TLNRD1: variants seen among roughly 807,000 people sequenced by gnomAD.
TLNRD1 encodes talin rod domain containing 1, also known as talin rod domain-containing protein 1.
In TLNRD1, 14 loss-of-function variants were observed where a neutral mutation model predicts 19.5. The ratio of observed to expected loss-of-function variants is 0.72; its 90% CI spans 0.47 to 1.12. The LOEUF (loss-of-function observed/expected upper bound fraction) is 1.12, where lower values mean the gene tolerates loss of function less well. Ranked by LOEUF, TLNRD1 falls within the 50% of genes most tolerant of loss-of-function variation. The pLI is 0.00. For synonymous variants in TLNRD1, 345 were observed against 261.7 expected, an observed-to-expected ratio of 1.32 and a Z score of -3.07; for missense variants, 569 against 531.9, an observed-to-expected ratio of 1.07 and a Z score of -0.69.
chr15:81,003,310 A>G lies in TLNRD1; in HGVS notation c.1039A>G (p.Arg347Gly). Reference sequence around the variant, plus strand: ...CCTGCTATCTCAGGCTTTAAGGGAGAGGTCTTCGCCCAGGACTTTACCGCC... The same window carrying G: ...CCTGCTATCTCAGGCTTTAAGGGAGGGGTCTTCGCCCAGGACTTTACCGCC... ...CTLLSQALRE[R>G]SSPRTLPPVN... The change falls in exon 1 of 1, where the codon AGG (arginine) becomes GGG (glycine). Residue 347 changes from arginine to glycine, a missense_variant. Arg to Gly is a moderately radical substitution (Grantham distance 125). Transcript: ENST00000267984. The G allele has an allele frequency of 6.2e-7, 1 of 1,610,918 alleles. No individual in the cohort carries two copies. Among genetic ancestry groups the G allele is most frequent in the Non-Finnish European group, 8.5e-7 (1 of 1,178,432 alleles).
Position 81,002,418 on chromosome 15 carries a change from C to T in TLNRD1, c.147C>T (p.Asp49=). 2.6e-6 allele frequency: 4 copies of T among 1,555,414 alleles called. No individual in the cohort carries two copies. The highest frequency in any genetic ancestry group is 3.5e-6 in the Non-Finnish European group (4 of 1,157,786). ...AGGGCAAGATGCAGCTGGTGGCTGA[C>T]CTGCTGCTGCTGTCGAGCGAGGCGC... ...HCKGKMQLVA[D]LLLLSSEARP... Residue 49 remains aspartate, a synonymous_variant, in exon 1 of 1, where the codon GAC becomes GAT. Coordinates refer to ENST00000267984, the MANE Select transcript of TLNRD1 (RefSeq NM_022566.3).
Position 81,001,024 on chromosome 15 carries a change from C to G in TLNRD1, c.-1248C>G, listed in dbSNP as rs1893398586. 1 of 154,254 alleles carries G rather than the reference C, an allele frequency of 6.5e-6. No individual in the cohort carries two copies. Among genetic ancestry groups the G allele is most frequent in the Non-Finnish European group, 1.4e-5 (1 of 69,354 alleles). 9.6% of individuals were successfully genotyped at this position (154,254 alleles called of 1,614,324 possible). Reference sequence around the variant, plus strand: ...GGAACAGGAAAAGCCTCCGGCAGCCCCTGCGGGCGGCGGCGCAGCCACGGC... The same window carrying G: ...GGAACAGGAAAAGCCTCCGGCAGCCGCTGCGGGCGGCGGCGCAGCCACGGC... On this transcript the variant is annotated 5_prime_UTR_variant, in exon 1 of 1. Transcript: ENST00000267984.
In TLNRD1 at chr15:81,002,118, C is replaced by T. The variant is rs918859819; in HGVS notation, c.-154C>T. ...GGCTCCCGCCGCCGCAGCCCAGTGC[C>T]CTCTGCCCGCGGCGGTGGATGGCAT... On this transcript the variant is annotated 5_prime_UTR_variant, in exon 1 of 1. Coordinates refer to ENST00000267984, the MANE Select transcript of TLNRD1 (RefSeq NM_022566.3). 11 of 886,674 alleles carry T rather than the reference C, an allele frequency of 1.2e-5. No homozygotes were observed. Among genetic ancestry groups the T allele is most frequent in the East Asian group, 1.2e-4 (3 of 25,148 alleles). 54.9% of individuals were successfully genotyped at this position (886,674 alleles called of 1,614,324 possible).
At position 81,004,269 on chromosome 15, in the gene TLNRD1, G is replaced by A. The variant is rs1893464475; in HGVS notation, c.*909G>A. The A allele has an allele frequency of 6.0e-6, 1 of 167,024 alleles. No homozygotes were observed. Among genetic ancestry groups the A allele is most frequent in the Non-Finnish European group, 1.5e-5 (1 of 68,096 alleles). The allele number at this position is 167,024 out of a possible 1,614,324, so 10.3% of individuals were successfully genotyped here. A position where few individuals can be genotyped will look rare whatever the true frequency, so the allele number is the denominator to read the frequency against. ...GGGATTGGGTTATGTAGAGTGCTTG[G>A]GACGGTTTTGTCTCATTTTTCCTGG... On this transcript the variant is annotated 3_prime_UTR_variant, in exon 1 of 1. Coordinates refer to ENST00000267984, the MANE Select transcript of TLNRD1 (RefSeq NM_022566.3).
At position 81,002,410 on chromosome 15, in the gene TLNRD1, G is replaced by A; in HGVS notation, c.139G>A (p.Val47Met). Residue 47 changes from valine (V) to methionine (M), a missense_variant, in exon 1 of 1, where the codon GTG becomes ATG. By Grantham distance (21) the Val-to-Met change is conservative. Coordinates refer to ENST00000267984, the MANE Select transcript of TLNRD1 (RefSeq NM_022566.3). ...CDHCKGKMQL[V>M]ADLLLLSSEA... ...CCACTGCAAGGGCAAGATGCAGCTG[G>A]TGGCTGACCTGCTGCTGCTGTCGAG... 6.4e-7 allele frequency: 1 copy of A among 1,555,290 alleles called. No individual in the cohort carries two copies. Among genetic ancestry groups the A allele is most frequent in the South Asian group, 1.2e-5 (1 of 86,418 alleles).
In TLNRD1 at chr15:81,002,111, C is replaced by CGGGCTCCCCCCG. The variant is rs1893420031; in HGVS notation, c.-161_-160insGGGCTCCCCCCG. 1.2e-6 allele frequency: 1 copy of CGGGCTCCCCCCG among 815,976 alleles called. No individual in the cohort carries two copies. The highest frequency in any genetic ancestry group is 4.1e-5 in the East Asian group (1 of 24,580). The allele number at this position is 815,976 out of a possible 1,614,324, so 50.5% of individuals were successfully genotyped here. On this transcript the variant is annotated 5_prime_UTR_variant, in exon 1 of 1. Transcript: ENST00000267984. ...CCGCCCGGGCTCCCGCCGCCGCAGC[C>CGGGCTCCCCCCG]CAGTGCCCTCTGCCCGCGGCGGTGG...
rs992555895 is a variant in TLNRD1 at position 81,003,980 on chromosome 15, C to G, written c.*620C>G. The G allele has an allele frequency of 3.0e-5, 5 of 166,368 alleles. No individual in the cohort carries two copies. The highest frequency in any genetic ancestry group is 1.2e-4 in the African/African-American group (5 of 41,214). The allele number at this position is 166,368 out of a possible 1,614,324, so 10.3% of individuals were successfully genotyped here. ...GCATGTACTGGAGTATTTATTTCAT[C>G]TATTAAAATGTTATGTTTCTCAGAT... On this transcript the variant is annotated 3_prime_UTR_variant, in exon 1 of 1. Transcript: ENST00000267984.
Position 81,002,048 on chromosome 15 carries a change from A to T in TLNRD1, c.-224A>T. On this transcript the variant is annotated 5_prime_UTR_variant, in exon 1 of 1. Coordinates refer to ENST00000267984, the MANE Select transcript of TLNRD1 (RefSeq NM_022566.3). ...TGCAGCCCCTCCCCTTGCCCCGAAG[A>T]GCCTTCCGCGTTCTCTCGCCCTCGG... 3.0e-6 allele frequency: 1 copy of T among 336,254 alleles called. No homozygotes were observed. The highest frequency in any genetic ancestry group is 5.1e-6 in the Non-Finnish European group (1 of 194,226). The allele number at this position is 336,254 out of a possible 1,614,324, so 20.8% of individuals were successfully genotyped here.
chr15:81,002,353 C>T lies in TLNRD1; in HGVS notation c.82C>T (p.Gln28Ter). The change falls in exon 1 of 1, where the codon CAG becomes TAG. Residue 28 changes from glutamine to a stop codon, truncating the protein, a stop_gained. Coordinates refer to ENST00000267984, the MANE Select transcript of TLNRD1 (RefSeq NM_022566.3). LOFTEE classifies it high-confidence loss of function. ...PASAIGGASS[Q>*]PRKRLVSVCD... ...GAGCGCCATCGGCGGGGCCAGCTCG[C>T]AGCCGCGGAAGAGGCTGGTATCCGT... The T allele has an allele frequency of 1.4e-6, 2 of 1,418,202 alleles. No individual in the cohort carries two copies. The highest frequency in any genetic ancestry group is 1.9e-6 in the Non-Finnish European group (2 of 1,080,832). The allele number at this position is 1,418,202 out of a possible 1,614,324, so 87.9% of individuals were successfully genotyped here. A position where few individuals can be genotyped will look rare whatever the true frequency, so the allele number is the denominator to read the frequency against.
Position 81,002,117 on chromosome 15 carries a change from C to T in TLNRD1, c.-155C>T, listed in dbSNP as rs1037284970. 4.5e-5 allele frequency: 39 copies of T among 867,352 alleles called. No individual in the cohort carries two copies. In the Admixed American group the frequency reaches 6.0e-4, roughly 13 times the overall value. 53.7% of individuals were successfully genotyped at this position (867,352 alleles called of 1,614,324 possible). On this transcript the variant is annotated 5_prime_UTR_variant, in exon 1 of 1. Transcript: ENST00000267984. ...GGGCTCCCGCCGCCGCAGCCCAGTG[C>T]CCTCTGCCCGCGGCGGTGGATGGCA...
Position 81,002,790 on chromosome 15 carries a change from C to A in TLNRD1, c.519C>A (p.Ala173=). The change falls in exon 1 of 1, where the codon GCC becomes GCA. Residue 173 remains alanine, a synonymous_variant. Transcript: ENST00000267984. ...CCGTGCTGCGCGCCACGCCGCTGGCCGACATGACGCCGCAGCTGCTGCTGG... is the reference window on the plus strand; with the variant it reads ...CCGTGCTGCGCGCCACGCCGCTGGCAGACATGACGCCGCAGCTGCTGCTGG... ...GCAVLRATPL[A]DMTPQLLLEV... 1 of 1,557,714 alleles carries A rather than the reference C, an allele frequency of 6.4e-7. No homozygotes were observed. The highest frequency in any genetic ancestry group is 1.8e-4 in the Middle Eastern group (1 of 5,700).
rs1893422269 is a variant in TLNRD1, at chr15:81,002,217, G to GGCAGCGGCGGTGGTAGCGGGCTCC, written c.-54_-31dup. 3 of 1,219,750 alleles carry GGCAGCGGCGGTGGTAGCGGGCTCC rather than the reference G, an allele frequency of 2.5e-6. No homozygotes were observed. The East Asian group carries it at 9.9e-5, about 40-fold the overall frequency. 75.6% of individuals were successfully genotyped at this position (1,219,750 alleles called of 1,614,324 possible). A position where few individuals can be genotyped will look rare whatever the true frequency, so the allele number is the denominator to read the frequency against. On this transcript the variant is annotated 5_prime_UTR_variant, in exon 1 of 1. Transcript: ENST00000267984. ...CCGCCGGGGCGGCGGCAGTGGCCGCGGCAGCGGCGGTGGTAGCGGGCTCCC... is the reference window on the plus strand; with the variant it reads ...CCGCCGGGGCGGCGGCAGTGGCCGCGGCAGCGGCGGTGGTAGCGGGCTCCGCAGCGGCGGTGGTAGCGGGCTCCC...
chr15:81,004,839 C>T lies in TLNRD1; in HGVS notation c.*1479C>T, dbSNP rs1893471108. ...ATTCTGAATATCTTCCCACTAAAAGCACAACAAATCTATTTACAGTGCCTG... is the reference window on the plus strand; with the variant it reads ...ATTCTGAATATCTTCCCACTAAAAGTACAACAAATCTATTTACAGTGCCTG... On this transcript the variant is annotated 3_prime_UTR_variant, in exon 1 of 1. Transcript: ENST00000267984. 1 of 167,042 alleles carries T rather than the reference C, an allele frequency of 6.0e-6. No individual in the cohort carries two copies. The highest frequency in any genetic ancestry group is 2.4e-5 in the African/African-American group (1 of 41,426). The allele number at this position is 167,042 out of a possible 1,614,324, so 10.3% of individuals were successfully genotyped here. A position where few individuals can be genotyped will look rare whatever the true frequency, so the allele number is the denominator to read the frequency against.
At position 81,002,511 on chromosome 15, in the gene TLNRD1, C is replaced by A; in HGVS notation, c.240C>A (p.Asp80Glu). The change falls in exon 1 of 1, where the codon GAC (aspartate) becomes GAA (glutamate). Residue 80 changes from aspartate to glutamate, a missense_variant. By Grantham distance (45) the Asp-to-Glu change is conservative (BLOSUM62 2). Transcript: ENST00000267984. ...AGAESFEQCRDTIIARTKGLS... is the reference protein window; with the variant it reads ...AGAESFEQCRETIIARTKGLS... ...CCGAGTCCTTCGAGCAGTGCCGGGACACCATCATCGCGCGCACCAAGGGGC... is the reference window on the plus strand; with the variant it reads ...CCGAGTCCTTCGAGCAGTGCCGGGAAACCATCATCGCGCGCACCAAGGGGC... 1.3e-6 allele frequency: 2 copies of A among 1,483,596 alleles called. No homozygotes were observed. The highest frequency in any genetic ancestry group is 8.9e-7 in the Non-Finnish European group (1 of 1,120,472). The allele number at this position is 1,483,596 out of a possible 1,614,324, so 91.9% of individuals were successfully genotyped here.
In TLNRD1 at chr15:81,002,487, C is replaced by G; in HGVS notation, c.216C>G (p.Ala72=). ...GCCCCGCCTCCTCTGGTGCCGGCGC[C>G]GAGTCCTTCGAGCAGTGCCGGGACA... is the stretch of plus-strand genomic sequence containing the variant. The part of the protein sequence containing the change: ...FEGPASSGAG[A]ESFEQCRDTI... The change falls in exon 1 of 1, where the codon GCC becomes GCG. Residue 72 remains alanine (A), a synonymous_variant. Coordinates refer to ENST00000267984, the MANE Select transcript of TLNRD1 (RefSeq NM_022566.3). 1 of 1,496,650 alleles carries G rather than the reference C, an allele frequency of 6.7e-7. No individual in the cohort carries two copies. Among genetic ancestry groups the G allele is most frequent in the Non-Finnish European group, 8.9e-7 (1 of 1,126,328 alleles). 92.7% of individuals were successfully genotyped at this position (1,496,650 alleles called of 1,614,324 possible).
chr15:81,002,633 C>A lies in TLNRD1; in HGVS notation c.362C>A (p.Ser121Ter). Residue 121 changes from serine to a stop codon, truncating the protein, a stop_gained, in exon 1 of 1, where the codon TCG becomes TAG. Coordinates refer to ENST00000267984, the MANE Select transcript of TLNRD1 (RefSeq NM_022566.3). LOFTEE classifies it high-confidence loss of function. ...SLVELGDLVV[S>*]LTECSAHAAY... ...GTGGAGCTGGGCGACCTGGTGGTGT[C>A]GCTGACCGAGTGCTCGGCCCACGCG... The A allele has an allele frequency of 6.7e-7, 1 of 1,491,986 alleles. No individual in the cohort carries two copies. The allele number at this position is 1,491,986 out of a possible 1,614,324, so 92.4% of individuals were successfully genotyped here.
At position 81,002,649 on chromosome 15, in the gene TLNRD1, G is replaced by A. The variant is rs745961400; in HGVS notation, c.378G>A (p.Ser126=). The A allele has an allele frequency of 6.8e-7, 1 of 1,471,264 alleles. No homozygotes were observed. The highest frequency in any genetic ancestry group is 1.4e-5 in the South Asian group (1 of 72,274). 91.1% of individuals were successfully genotyped at this position (1,471,264 alleles called of 1,614,324 possible). Residue 126 remains serine, a synonymous_variant, in exon 1 of 1, where the codon TCG becomes TCA. Coordinates refer to ENST00000267984, the MANE Select transcript of TLNRD1 (RefSeq NM_022566.3). The part of the protein sequence containing the change: ...GDLVVSLTEC[S]AHAAYLAAVA... ...TGGTGGTGTCGCTGACCGAGTGCTC[G>A]GCCCACGCGGCCTATCTGGCCGCTG...
chr15:81,002,901 G>A lies in TLNRD1; in HGVS notation c.630G>A (p.Ser210=). The A allele has an allele frequency of 6.3e-7, 1 of 1,597,386 alleles. No individual in the cohort carries two copies. The highest frequency in any genetic ancestry group is 1.1e-5 in the South Asian group (1 of 90,996). The change falls in exon 1 of 1, where the codon TCG becomes TCA. Residue 210 remains serine, a synonymous_variant. Coordinates refer to ENST00000267984, the MANE Select transcript of TLNRD1 (RefSeq NM_022566.3). ...LASDKSRDRF[S]REQFKLGVKC... is the part of the protein sequence containing the mutation. Reference sequence around the variant, plus strand: ...GTGACAAGTCACGGGACCGCTTTTCGCGGGAGCAGTTCAAGCTGGGCGTCA... The same window carrying A: ...GTGACAAGTCACGGGACCGCTTTTCACGGGAGCAGTTCAAGCTGGGCGTCA...
Position 81,003,211 on chromosome 15 carries a change from G to A in TLNRD1, c.940G>A (p.Asp314Asn), listed in dbSNP as rs1489355048. The A allele has an allele frequency of 1.3e-6, 2 of 1,599,228 alleles. No homozygotes were observed. The highest frequency in any genetic ancestry group is 1.7e-6 in the Non-Finnish European group (2 of 1,173,512). The change falls in exon 1 of 1, where the codon GAC becomes AAC. Residue 314 changes from aspartate to asparagine, a missense_variant. Transcript: ENST00000267984. The stretch of plus-strand genomic sequence containing the variant: ...CCTCAGGGATCTGGCGCAGCACCCC[G>A]ACGGGGGCGCCAAGATGTCGGACCA... ...QCLRDLAQHP[D>N]GGAKMSDHRE...
Sources: gnomAD v4.1 joint callset for allele counts on GRCh38, gnomAD v4.1.1 for gene constraint, MANE v1.5 for transcripts, NCBI Gene and HGNC (gene_info 2026-07-23, HGNC 2026-07-21) for gene names.